The following ARB2A variants were observed in gnomAD, a reference collection of about 807,000 sequenced individuals.
ARB2A encodes the protein ARB2 cotranscriptional regulator A.
At chr5:93,644,136 A>G in the ARB2A span, among the ~76,000 whole-genome samples, 4 of 152,220 alleles carry the variant, frequency 2.6e-5, no homozygotes, top group Non-Finnish European at 4.4e-5. Flanking sequence ...AGTGCCACAC[A>G]TAAGAGGCTC....
the ARB2A span, among the ~76,000 whole-genome samples, chr5:93,931,606 CAA>C: frequency 2.6e-5 from 4 of 152,092 alleles, no homozygotes; most frequent in Admixed American, 6.5e-5. Context: ...CCAATTCAGC[CAA>C]TATTTTTTCT....
At chr5:93,972,980 G>A in the ARB2A span, among the ~76,000 whole-genome samples, 5 of 150,416 alleles carry the variant, frequency 3.3e-5, no homozygotes, top group Non-Finnish European at 7.4e-5. Context: ...AGACAGTCTC[G>A]CTCTGTTGCC....
At chr5:94,047,307 C>T in the ARB2A span, among the ~76,000 whole-genome samples, 2 of 152,042 alleles carry the variant, frequency 1.3e-5, no homozygotes, top group East Asian at 1.9e-4. Context: ...GCCTGGCTAA[C>T]ATGGTGAAAC....
the ARB2A span, chr5:94,055,632 A>G: frequency 1.0e-6 from 1 of 985,302 alleles, no homozygotes; most frequent in Non-Finnish European, 1.2e-6. Context: ...TATGTTGACA[A>G]TTCTTCATTC....
At chr5:93,980,052 C>T in the ARB2A span, among the ~76,000 whole-genome samples, 1 of 151,982 alleles carries the variant, frequency 6.6e-6, no homozygotes, top group Admixed American at 6.6e-5. Context: ...ATTGTTGTTG[C>T]TTTATATAGC....
chr5:93,766,169 A>G, the ARB2A span, among the ~76,000 whole-genome samples: 1 of 152,184 alleles, frequency 6.6e-6, no homozygotes, highest in Admixed American at 6.5e-5. Flanking sequence ...AATGGCAACA[A>G]AAGCCAAAAT....
the ARB2A span, among the ~76,000 whole-genome samples, chr5:93,948,362 T>G: frequency 3.9e-5 from 6 of 152,240 alleles, no homozygotes; most frequent in Non-Finnish European, 7.3e-5. Flanking sequence ...ATGGGGTTGT[T>G]TTTTTCTTGT....
the ARB2A span, among the ~76,000 whole-genome samples, chr5:93,653,374 T>G: frequency 6.7e-6 from 1 of 149,584 alleles, no homozygotes; most frequent in Non-Finnish European, 1.5e-5. Context: ...TAGCTGGGCG[T>G]GGTAGCGGGC....
the ARB2A span, among the ~76,000 whole-genome samples, chr5:93,909,724 G>GT: frequency 6.6e-6 from 1 of 150,458 alleles, no homozygotes; most frequent in African/African-American, 2.4e-5. Flanking sequence ...AAAATTTTCA[G>GT]TTTTTTTGTT....
chr5:93,746,085 T>A, the ARB2A span, among the ~76,000 whole-genome samples: 2 of 152,156 alleles, frequency 1.3e-5, no homozygotes, highest in African/African-American at 4.8e-5. Context: ...ACAATTTAGT[T>A]CACTGGAAAC....
At chr5:93,975,134 G>A in the ARB2A span, among the ~76,000 whole-genome samples, 1 of 151,916 alleles carries the variant, frequency 6.6e-6, no homozygotes, top group Non-Finnish European at 1.5e-5. Context: ...CTAACATGGT[G>A]AAACTCTGTC....
At chr5:93,871,863 C>T in the ARB2A span, among the ~76,000 whole-genome samples, 8 of 151,690 alleles carry the variant, frequency 5.3e-5, no homozygotes, top group African/African-American at 1.7e-4. Context: ...AAACATAAGC[C>T]AATGGGAAAA....
the ARB2A span, among the ~76,000 whole-genome samples, chr5:94,097,814 C>T: frequency 1.1e-4 from 16 of 152,180 alleles, no homozygotes; most frequent in South Asian, 3.1e-3. Flanking sequence ...CACAACCTCC[C>T]TCCACTGCTT....
At chr5:93,950,504 G>T in the ARB2A span, among the ~76,000 whole-genome samples, 1 of 152,012 alleles carries the variant, frequency 6.6e-6, no homozygotes, top group Non-Finnish European at 1.5e-5. Flanking sequence ...TTAGCCAGGC[G>T]TGGTGGTGCA....
chr5:93,747,385 G>A, the ARB2A span, among the ~76,000 whole-genome samples: 1 of 152,002 alleles, frequency 6.6e-6, no homozygotes. Flanking sequence ...GCCAAACAGA[G>A]TCACACTGAT....
chr5:93,803,454 GC>G, the ARB2A span, among the ~76,000 whole-genome samples: 1 of 146,740 alleles, frequency 6.8e-6, no homozygotes. Flanking sequence ...CTCCCTCACC[GC>G]CCCCCCACCC....
At chr5:93,881,507 G>T in the ARB2A span, 3 of 1,610,406 alleles carry the variant, frequency 1.9e-6, no homozygotes, top group Non-Finnish European at 2.5e-6. Context: ...TTCTCTTTGG[G>T]GGTTACGATA....
the ARB2A span, chr5:93,620,999 G>T: frequency 6.2e-7 from 1 of 1,610,950 alleles, no homozygotes; most frequent in Non-Finnish European, 8.5e-7. Flanking sequence ...ACAGCTCTTC[G>T]TGCTTGATGC....
chr5:94,011,936 C>CAA, the ARB2A span, among the ~76,000 whole-genome samples: 435 of 30,078 alleles, frequency 0.014, 6 homozygotes, highest in Non-Finnish European at 0.02. Flanking sequence ...AAAGGGTAGA[C>CAA]AAAAAAAAAA....
Sources: allele counts gnomAD v4.1 joint callset (sites outside exome capture counted in the v4.1 genomes callset), GRCh38; gene constraint gnomAD v4.1.1; transcripts MANE v1.5; gene names NCBI Gene and HGNC (gene_info 2026-07-23, HGNC 2026-07-21).